Variants in GPC5 observed in about 807,000 individuals in gnomAD.
GPC5 encodes the protein glypican-5.
A neutral mutation model predicts 53.9 loss-of-function variants in GPC5; 47 were observed. The observed-to-expected ratio is 0.87, with a 90% CI of 0.69 to 1.11. The LOEUF is 1.11. Ranked by LOEUF, GPC5 falls within the 50% of genes most tolerant of loss-of-function variation. The pLI, the probability that GPC5 is intolerant of heterozygous loss-of-function variation, is 0.00. For synonymous variants in GPC5, 286 were observed against 263.3 expected, an observed-to-expected ratio of 1.09 and a Z score of -0.84; for missense variants, 748 against 713.1, an observed-to-expected ratio of 1.05 and a Z score of -0.56.
chr13:91,591,212 C>T (rs2032785521), intron 2 of GPC5, among the ~76,000 whole-genome samples: 1 of 152,202 alleles, frequency 6.6e-6, no homozygotes, highest in African/African-American at 2.4e-5. Flanking sequence ...GAGAACAAAT[C>T]TTCCACCAGA....
chr13:91,562,188 T>TAAAAAAAAA (rs10603242), intron 2 of GPC5, among the ~76,000 whole-genome samples: 3 of 45,060 alleles, frequency 6.7e-5, no homozygotes, highest in East Asian at 9.3e-4. Flanking sequence ...GGAGCAACAG[T>TAAAAAAAAA]AAAAAAAAAA....
chr13:92,288,999 T>C (rs2042975648), intron 7 of GPC5, among the ~76,000 whole-genome samples: 1 of 152,112 alleles, frequency 6.6e-6, no homozygotes, highest in Non-Finnish European at 1.5e-5. Context: ...GAAAAACTTG[T>C]AGATGTCATC....
At chr13:92,290,962 C>T (rs896929488) in intron 7 of GPC5, among the ~76,000 whole-genome samples, 4 of 152,218 alleles carry the variant, frequency 2.6e-5, no homozygotes, top group Middle Eastern at 3.4e-3. Context: ...GGCCTGGGCT[C>T]GGCAGGCCCC....
At chr13:91,559,462 A>G (rs991489372) in intron 2 of GPC5, among the ~76,000 whole-genome samples, 1 of 152,188 alleles carries the variant, frequency 6.6e-6, no homozygotes, top group African/African-American at 2.4e-5. Flanking sequence ...GAGGGCTGAT[A>G]CTGCTAAAAC....
intron 7 of GPC5, among the ~76,000 whole-genome samples, chr13:92,851,642 G>A (rs1028045098): frequency 5.9e-5 from 9 of 151,852 alleles, no homozygotes; most frequent in African/African-American, 1.9e-4. Context: ...AGCACTTTGG[G>A]AGGCCAAGGA....
At chr13:92,385,648 T>TAC (rs1337339088) in intron 7 of GPC5, among the ~76,000 whole-genome samples, 9 of 141,910 alleles carry the variant, frequency 6.3e-5, no homozygotes, top group South Asian at 4.5e-4. Context: ...TATACCTATA[T>TAC]ACACATATAT....
At chr13:91,753,880 CTGTATTATCAT>C (rs2037232366) in intron 4 of GPC5, among the ~76,000 whole-genome samples, 1 of 152,118 alleles carries the variant, frequency 6.6e-6, no homozygotes, top group Non-Finnish European at 1.5e-5. Context: ...ACTATTAGCA[CTGTATTATCAT>C]TGTAGGTTTT....
At chr13:91,865,756 C>T (rs2039076499) in intron 5 of GPC5, among the ~76,000 whole-genome samples, 1 of 151,982 alleles carries the variant, frequency 6.6e-6, no homozygotes, top group South Asian at 2.1e-4. Flanking sequence ...TTCTCTCTTC[C>T]CATTTTTCTT....
chr13:92,734,069 C>T (rs1888876135), intron 7 of GPC5, among the ~76,000 whole-genome samples: 1 of 151,794 alleles, frequency 6.6e-6, no homozygotes, highest in African/African-American at 2.4e-5. Flanking sequence ...AACTAAATCT[C>T]TACTCAGATT....
intron 2 of GPC5, among the ~76,000 whole-genome samples, chr13:91,612,289 A>C (rs978596557): frequency 1.3e-5 from 2 of 152,228 alleles, no homozygotes; most frequent in African/African-American, 4.8e-5. Context: ...TACTCTTCAT[A>C]CATTAATGCT....
At position 92,666,983 on chromosome 13, in the gene GPC5, C is replaced by T. The variant is rs150845532; in HGVS notation, c.1562-199299C>T. Among the ~76,000 whole-genome samples, 1,317 of 152,156 alleles carry T rather than the reference C, an allele frequency of 8.7e-3. 20 individuals carry two copies. Among genetic ancestry groups the T allele is most frequent in the African/African-American group, 0.03 (1,247 of 41,504 alleles). On this transcript the variant is annotated intron_variant, in intron 7 of 7. Transcript: ENST00000377067. The stretch of plus-strand genomic sequence containing the variant: ...TCTTAACTGAAAATAGGGAAAAATG[C>T]CACCCTATACTGAAGCATTTCAACA...
intron 2 of GPC5, among the ~76,000 whole-genome samples, chr13:91,584,621 C>G (rs1405974824): frequency 6.6e-6 from 1 of 151,758 alleles, no homozygotes; most frequent in Non-Finnish European, 1.5e-5. Flanking sequence ...TCTTGTTGCC[C>G]AGGCTGGAGT....
chr13:91,798,356 G>A (rs187544297), intron 5 of GPC5, among the ~76,000 whole-genome samples: 60 of 151,984 alleles, frequency 3.9e-4, no homozygotes, highest in Middle Eastern at 3.4e-3. Flanking sequence ...GCCTCTCCCC[G>A]ACAGCCCCCA....
At chr13:92,539,569 G>T (rs138728266) in intron 7 of GPC5, among the ~76,000 whole-genome samples, 88 of 151,802 alleles carry the variant, frequency 5.8e-4, no homozygotes, top group African/African-American at 2.0e-3. Flanking sequence ...CTGGATATTA[G>T]CCATTTATCA....
At chr13:92,381,950 C>G (rs914131875) in intron 7 of GPC5, among the ~76,000 whole-genome samples, 65 of 102,360 alleles carry the variant, frequency 6.4e-4, no homozygotes, top group African/African-American at 2.3e-3. Flanking sequence ...GAAATAATAT[C>G]TATGTATGTA....
At chr13:92,189,045 T>C (rs2042204028) in intron 7 of GPC5, among the ~76,000 whole-genome samples, 3 of 152,096 alleles carry the variant, frequency 2.0e-5, no homozygotes, top group South Asian at 4.1e-4. Flanking sequence ...GGATAATTGA[T>C]GCATTGCTGG....
At chr13:91,600,855 G>T (rs1484266471) in intron 2 of GPC5, among the ~76,000 whole-genome samples, 1 of 152,000 alleles carries the variant, frequency 6.6e-6, no homozygotes, top group Non-Finnish European at 1.5e-5. Context: ...ATCATAGGAA[G>T]ATGTATATAC....
At chr13:92,245,913 G>A (rs888858517) in intron 7 of GPC5, among the ~76,000 whole-genome samples, 7 of 151,664 alleles carry the variant, frequency 4.6e-5, no homozygotes, top group African/African-American at 1.7e-4. Context: ...TCTTAACTGG[G>A]CATTCTCTTT....
chr13:91,422,089 G>A (rs1878678303), intron 1 of GPC5, among the ~76,000 whole-genome samples: 1 of 152,114 alleles, frequency 6.6e-6, no homozygotes. Context: ...CGCTACAGAA[G>A]CATTACAAAA....
Sources: gnomAD v4.1 joint callset for allele counts (sites outside exome capture counted in the v4.1 genomes callset) on GRCh38, gnomAD v4.1.1 for gene constraint, MANE v1.5 for transcripts, NCBI Gene and HGNC (gene_info 2026-07-23, HGNC 2026-07-21) for gene names.